Variants in ACTR3 observed in about 807,000 individuals in gnomAD.
The protein encoded by ACTR3 is actin related protein 3, also known as actin-related protein 3.
Under a neutral mutation model 56.8 loss-of-function variants are expected in ACTR3, and 12 were observed. That is an observed-to-expected ratio of 0.21 (90% confidence interval 0.14 to 0.34). The LOEUF is 0.34. Among genes scored for constraint, ACTR3 ranks in the 10% least tolerant of loss-of-function variants. The probability of loss-of-function intolerance (pLI) is 1.00; values close to 1 mark genes in which losing one functional copy is unlikely to be tolerated. For missense variants in ACTR3, 282 were observed against 512.5 expected, an observed-to-expected ratio of 0.55 and a Z score of 4.34; for synonymous variants, 162 against 167.4, an observed-to-expected ratio of 0.97 and a Z score of 0.25.
intron 7 of ACTR3, among the ~76,000 whole-genome samples, chr2:113,940,869 G>A (rs1679912710): frequency 7.0e-6 from 1 of 143,822 alleles, no homozygotes; most frequent in Admixed American, 7.1e-5. Flanking sequence ...TACCCAAGCT[G>A]GAGCGCAGTG....
At chr2:113,895,993 G>T (rs1247528321) in intron 1 of ACTR3, among the ~76,000 whole-genome samples, 5 of 151,930 alleles carry the variant, frequency 3.3e-5, no homozygotes, top group African/African-American at 1.2e-4. Context: ...CGAGTAGCTG[G>T]GACTACAGGC....
At chr2:113,909,705 AAG>A (rs1679267629) in intron 1 of ACTR3, among the ~76,000 whole-genome samples, 1 of 150,440 alleles carries the variant, frequency 6.6e-6, no homozygotes, top group Non-Finnish European at 1.5e-5. Flanking sequence ...TAAGGGAAAA[AAG>A]AGTAGCAGGT....
chr2:113,907,352 G>C (rs1350570960), intron 1 of ACTR3, among the ~76,000 whole-genome samples: 1 of 152,094 alleles, frequency 6.6e-6, no homozygotes, highest in African/African-American at 2.4e-5. Flanking sequence ...CTCCTCCATG[G>C]CTCAAGTCAT....
intron 1 of ACTR3, among the ~76,000 whole-genome samples, chr2:113,892,186 G>GAGATAAACT (rs1263654906): frequency 6.6e-6 from 1 of 152,096 alleles, no homozygotes; most frequent in Non-Finnish European, 1.5e-5. Context: ...ATGTTTCATT[G>GAGATAAACT]AGATAAACTG....
rs540753322 is a variant in ACTR3 at position 113,928,656 on chromosome 2, A to C, written c.336+1201A>C. ...AGCTGTGCTGTTGTAGCATGTTAGC[A>C]GCCATAGACAATACTTAAATTCATA... On this transcript the variant is annotated intron_variant, in intron 4 of 11. Coordinates refer to ENST00000263238, the MANE Select transcript of ACTR3 (RefSeq NM_005721.5). Among the ~76,000 whole-genome samples, 319 of 152,268 alleles carry C rather than the reference A, an allele frequency of 2.1e-3. 2 individuals carry two copies. Among genetic ancestry groups the C allele is most frequent in the African/African-American group, 7.3e-3 (304 of 41,554 alleles).
At chr2:113,950,034 G>A (rs1049093295) in intron 8 of ACTR3, among the ~76,000 whole-genome samples, 1 of 152,160 alleles carries the variant, frequency 6.6e-6, no homozygotes, top group Non-Finnish European at 1.5e-5. Context: ...TGAGAGCGCT[G>A]AATTAGTGAA....
intron 7 of ACTR3, among the ~76,000 whole-genome samples, chr2:113,940,602 A>G (rs1679906059): frequency 6.6e-6 from 1 of 152,092 alleles, no homozygotes; most frequent in African/African-American, 2.4e-5. Flanking sequence ...TCTGCCATGT[A>G]AGTATTATAT....
rs1013374720 is a variant in ACTR3 at position 113,902,380 on chromosome 2, A to T, written c.45-10792A>T. On this transcript the variant is annotated intron_variant, in intron 1 of 11. Transcript: ENST00000263238. ...GTTGTTTTTCTTTTTTTTTTTATGTAAAATGATGTATTATATATTTTATAC... is the reference window on the plus strand; with the variant it reads ...GTTGTTTTTCTTTTTTTTTTTATGTTAAATGATGTATTATATATTTTATAC... 3.3e-5 allele frequency among the ~76,000 whole-genome samples: 5 copies of T among 151,170 alleles called. 2 individuals carry two copies. The South Asian group carries it at 1.0e-3, about 32-fold the overall frequency.
In ACTR3 at chr2:113,947,315, A is replaced by G. The variant is rs1270415420; in HGVS notation, c.859-4164A>G. 2.6e-5 allele frequency among the ~76,000 whole-genome samples: 4 copies of G among 152,370 alleles called. No individual in the cohort carries two copies. The East Asian group carries it at 5.8e-4, about 22-fold the overall frequency. ...TAGGAGATGAGCATTTGAATGGAAT[A>G]TGCTTGACAAATGAGCTTAGCTGAT... On this transcript the variant is annotated intron_variant, in intron 8 of 11. Transcript: ENST00000263238.
Position 113,892,597 on chromosome 2 carries a change from A to G in ACTR3, c.44+2274A>G, listed in dbSNP as rs145183594. ...TAAGTCCTTGAGGTTGAGGACCCTGAGATAAACATCTCTAAGTATGGCCTT... is the reference window on the plus strand; with the variant it reads ...TAAGTCCTTGAGGTTGAGGACCCTGGGATAAACATCTCTAAGTATGGCCTT... On this transcript the variant is annotated intron_variant, in intron 1 of 11. Transcript: ENST00000263238. Among the ~76,000 whole-genome samples the G allele has an allele frequency of 2.6e-5, 4 of 152,342 alleles. No homozygotes were observed. In the East Asian group the frequency reaches 5.8e-4, roughly 22 times the overall value.
At chr2:113,904,553 AACAT>A (rs1228309430) in intron 1 of ACTR3, 1 of 152,208 alleles carries the variant, frequency 6.6e-6, no homozygotes, top group Non-Finnish European at 1.5e-5. Context: ...TTCTGTTGTG[AACAT>A]ACATGTACAC....
rs143013857 is a variant in ACTR3 at position 113,939,560 on chromosome 2, G to T, written c.541-399G>T. ...GTGGAAAGCTTCAGGTTTGTGAAAT[G>T]GATACATACTTGATTAGGAAAATGA... On this transcript the variant is annotated intron_variant, in intron 6 of 11. Transcript: ENST00000263238. 3.0e-4 allele frequency among the ~76,000 whole-genome samples: 45 copies of T among 152,258 alleles called. No homozygotes were observed. In the East Asian group the frequency reaches 7.9e-3, roughly 27 times the overall value.
chr2:113,917,536 A>G (rs903325789), intron 3 of ACTR3, among the ~76,000 whole-genome samples: 1 of 152,164 alleles, frequency 6.6e-6, no homozygotes, highest in Non-Finnish European at 1.5e-5. Flanking sequence ...GAACAAATCT[A>G]GTAACCCTGA....
intron 5 of ACTR3, 95 bp downstream of exon 5, chr2:113,931,491 G>T (rs1310032114): frequency 7.6e-6 from 5 of 661,302 alleles, no homozygotes; most frequent in Admixed American, 3.3e-5. Context: ...TTTCTGCAAA[G>T]GTTTAAACAT....
chr2:113,899,828 C>G (rs1464924099), intron 1 of ACTR3, among the ~76,000 whole-genome samples: 1 of 152,154 alleles, frequency 6.6e-6, no homozygotes, highest in African/African-American at 2.4e-5. Flanking sequence ...GAAGGAGTTT[C>G]AAAGTATTTG....
chr2:113,931,311 C>T lies in ACTR3; in HGVS notation c.347C>T (p.Pro116Leu). 1 of 1,565,732 alleles carries T rather than the reference C, an allele frequency of 6.4e-7. No individual in the cohort carries two copies. Among genetic ancestry groups the T allele is most frequent in the Non-Finnish European group, 8.7e-7 (1 of 1,152,668 alleles). The stretch of plus-strand genomic sequence containing the variant: ...TATTTATTTCAATAGACTGAACCTC[C>T]ATTGAATACTCCAGAAAACAGGGAA... The part of the protein sequence containing the change: ...EDHYFLLTEP[P>L]LNTPENREYT... Residue 116 changes from proline to leucine, a missense_variant, in exon 5 of 12, where the codon CCA becomes CTA. Pro to Leu is a moderately conservative substitution (Grantham distance 98, BLOSUM62 -3). Coordinates refer to ENST00000263238, the MANE Select transcript of ACTR3 (RefSeq NM_005721.5).
intron 10 of ACTR3, chr2:113,954,453 C>T (rs1338079573): frequency 6.6e-6 from 1 of 152,092 alleles, no homozygotes; most frequent in Admixed American, 6.6e-5. Context: ...TTCCCTTCTC[C>T]CACATTCATT....
intron 1 of ACTR3, among the ~76,000 whole-genome samples, chr2:113,891,486 A>C (rs1678893644): frequency 1.3e-5 from 2 of 152,070 alleles, no homozygotes; most frequent in South Asian, 2.1e-4. Flanking sequence ...TTTTATGTAG[A>C]ATCACTGCTT....
At chr2:113,934,254 C>CT in intron 5 of ACTR3, 25 bp from the exon 6 acceptor site, 1 of 1,162,798 alleles carries the variant, frequency 8.6e-7, no homozygotes, top group East Asian at 3.2e-5. Flanking sequence ...TGTTTTTTTG[C>CT]CTTTCTTCTT....
Sources: allele counts gnomAD v4.1 joint callset (sites outside exome capture counted in the v4.1 genomes callset), GRCh38; gene constraint gnomAD v4.1.1; transcripts MANE v1.5; gene names NCBI Gene and HGNC (gene_info 2026-07-23, HGNC 2026-07-21).